C1orf87: variants seen among roughly 807,000 people sequenced by gnomAD.
The protein encoded by C1orf87 is chromosome 1 open reading frame 87.
A neutral mutation model predicts 60.5 loss-of-function variants in C1orf87; 58 were observed. That is an observed-to-expected ratio of 0.96 (90% CI 0.78 to 1.19). The LOEUF (loss-of-function observed/expected upper bound fraction) is 1.19. Ranked by LOEUF, C1orf87 falls within the 50% of genes most tolerant of loss-of-function variation. The probability of loss-of-function intolerance (pLI) is 0.00; values close to 1 mark genes in which losing one functional copy is unlikely to be tolerated. For missense variants in C1orf87, 673 were observed against 638.6 expected, an observed-to-expected ratio of 1.05 and a Z score of -0.58; for synonymous variants, 236 against 227.4, an observed-to-expected ratio of 1.04 and a Z score of -0.34.
At chr1:60,013,099 T>TG (rs1479327054) in intron 8 of C1orf87, among the ~76,000 whole-genome samples, 1 of 152,144 alleles carries the variant, frequency 6.6e-6, no homozygotes, top group Admixed American at 6.6e-5. Context: ...AAAGTTTTGT[T>TG]GGAATGATGT....
Position 59,991,525 on chromosome 1 carries a change from G to A in C1orf87, c.1481-692C>T, listed in dbSNP as rs549701142. On this transcript the variant is annotated intron_variant, in intron 11 of 11. Coordinates refer to ENST00000371201, the MANE Select transcript of C1orf87 (RefSeq NM_152377.3). ...AAAATTTGTACTTTTTTTTGTTGTC[G>A]TGTCATTATATTTTATTTCTATTTT... Among the ~76,000 whole-genome samples, 10 of 152,050 alleles carry A rather than the reference G, an allele frequency of 6.6e-5. No individual in the cohort carries two copies. In the South Asian group the frequency reaches 8.3e-4, roughly 13 times the overall value.
chr1:60,067,560 GTTT>G (rs34417479), intron 2 of C1orf87, among the ~76,000 whole-genome samples: 3 of 58,958 alleles, frequency 5.1e-5, no homozygotes, highest in Admixed American at 1.8e-4. Flanking sequence ...TTTTGATGGG[GTTT>G]TTTTTTTTTT....
At chr1:60,018,828 C>G (rs941883363) in intron 8 of C1orf87, among the ~76,000 whole-genome samples, 6 of 152,290 alleles carry the variant, frequency 3.9e-5, no homozygotes, top group African/African-American at 1.4e-4. Context: ...TGATGTGGCT[C>G]ATAACCTTTA....
intron 9 of C1orf87, among the ~76,000 whole-genome samples, chr1:60,006,267 A>G (rs1574296803): frequency 6.6e-6 from 1 of 152,084 alleles, no homozygotes; most frequent in Non-Finnish European, 1.5e-5. Flanking sequence ...CAGATCCTTG[A>G]TTTTGATATC....
intron 2 of C1orf87, among the ~76,000 whole-genome samples, chr1:60,064,423 T>G (rs1342964240): frequency 7.1e-6 from 1 of 140,340 alleles, no homozygotes; most frequent in Admixed American, 7.8e-5. Context: ...GGTTTCATGG[T>G]GCACATAAAA....
chr1:60,019,198 T>C (rs1645144662), intron 8 of C1orf87, among the ~76,000 whole-genome samples: 1 of 152,350 alleles, frequency 6.6e-6, no homozygotes, highest in East Asian at 1.9e-4. Context: ...TCCCTCATGC[T>C]GTTCTCATGA....
intron 8 of C1orf87, among the ~76,000 whole-genome samples, chr1:60,023,726 C>G (rs978318915): frequency 1.3e-5 from 2 of 152,066 alleles, no homozygotes; most frequent in African/African-American, 2.4e-5. Context: ...TATTTCTTTT[C>G]TGTTCCAGAT....
chr1:60,033,529 G>A lies in C1orf87; in HGVS notation c.976C>T (p.Leu326=), dbSNP rs1385354222. Residue 326 remains leucine, a synonymous_variant, in exon 7 of 12, where the codon CTG becomes TTG. Coordinates refer to ENST00000371201, the MANE Select transcript of C1orf87 (RefSeq NM_152377.3). The part of the protein sequence containing the change: ...NGRLNIDNLN[L]SFRKEDRSFS... ...GAGCGATCTTCTTTTCGAAAACTCAGATTGAGATTGTCTATGTTGAGTCTG... is the reference window on the plus strand; with the variant it reads ...GAGCGATCTTCTTTTCGAAAACTCAAATTGAGATTGTCTATGTTGAGTCTG... The A allele has an allele frequency of 6.2e-7, 1 of 1,613,984 alleles. No individual in the cohort carries two copies. Among genetic ancestry groups the A allele is most frequent in the South Asian group, 1.1e-5 (1 of 91,008 alleles).
chr1:60,055,125 T>C, intron 3 of C1orf87, 79 bp downstream of exon 3: 1 of 1,239,732 alleles, frequency 8.1e-7, no homozygotes, highest in Non-Finnish European at 1.2e-6. Flanking sequence ...GTACAGTGTG[T>C]TTTTGTGTGA....
intron 7 of C1orf87, among the ~76,000 whole-genome samples, chr1:60,027,869 CA>C (rs1263584372): frequency 2.6e-5 from 4 of 152,158 alleles, no homozygotes; most frequent in African/African-American, 9.7e-5. Context: ...TATATTTTGA[CA>C]TTATCTGTTC....
chr1:60,020,744 C>T (rs764457060), intron 8 of C1orf87, among the ~76,000 whole-genome samples: 1 of 152,124 alleles, frequency 6.6e-6, no homozygotes, highest in African/African-American at 2.4e-5. Flanking sequence ...AGACTTTGGA[C>T]TTGGACTTTT....
intron 11 of C1orf87, among the ~76,000 whole-genome samples, chr1:59,995,457 A>G (rs920591760): frequency 2.7e-4 from 41 of 152,158 alleles, no homozygotes; most frequent in African/African-American, 9.7e-4. Flanking sequence ...TAGGGTTCAT[A>G]ATAGGTTCTC....
chr1:60,072,017 A>G (rs777145568), intron 2 of C1orf87, among the ~76,000 whole-genome samples: 3 of 152,156 alleles, frequency 2.0e-5, no homozygotes, highest in Non-Finnish European at 4.4e-5. Context: ...CAGGAGTGTC[A>G]TCTCTTAAAT....
chr1:60,018,998 G>C (rs1464123132), intron 8 of C1orf87, among the ~76,000 whole-genome samples: 1 of 152,174 alleles, frequency 6.6e-6, no homozygotes, highest in African/African-American at 2.4e-5. Context: ...TGCTTGGTAT[G>C]TAGTAGGTAC....
intron 6 of C1orf87, among the ~76,000 whole-genome samples, chr1:60,036,361 C>T (rs1255217079): frequency 6.6e-6 from 1 of 151,940 alleles, no homozygotes; most frequent in East Asian, 1.9e-4. Flanking sequence ...AACAAACAAA[C>T]AAACAAAAAA....
At chr1:59,993,960 T>G (rs2100231452) in intron 11 of C1orf87, among the ~76,000 whole-genome samples, 1 of 152,214 alleles carries the variant, frequency 6.6e-6, no homozygotes, top group East Asian at 1.9e-4. Context: ...GGTTTCACCA[T>G]GTTGGCCAGG....
At chr1:60,052,057 A>G (rs1474937104) in intron 3 of C1orf87, among the ~76,000 whole-genome samples, 1 of 152,220 alleles carries the variant, frequency 6.6e-6, no homozygotes, top group African/African-American at 2.4e-5. Context: ...TAAAATAAAG[A>G]TAACATCATG....
chr1:60,063,355 A>G (rs1313953923), intron 2 of C1orf87, among the ~76,000 whole-genome samples: 1 of 152,146 alleles, frequency 6.6e-6, no homozygotes, highest in African/African-American at 2.4e-5. Flanking sequence ...TGCCTGGATT[A>G]TCATAATAAC....
At chr1:60,002,237 T>C (rs1354230334) in intron 9 of C1orf87, among the ~76,000 whole-genome samples, 1 of 152,132 alleles carries the variant, frequency 6.6e-6, no homozygotes, top group East Asian at 1.9e-4. Flanking sequence ...TGGAGCTAGA[T>C]GCCTTGGCAT....
Sources: allele counts gnomAD v4.1 joint callset (sites outside exome capture counted in the v4.1 genomes callset), GRCh38; gene constraint gnomAD v4.1.1; transcripts MANE v1.5; gene names NCBI Gene and HGNC (gene_info 2026-07-23, HGNC 2026-07-21).